Variants in XRCC5 observed in about 807,000 individuals in gnomAD.
XRCC5 encodes X-ray repair cross complementing 5.
Under a neutral mutation model 95.7 loss-of-function variants are expected in XRCC5, and 12 were observed. That is an observed-to-expected ratio of 0.13 (90% CI 0.08 to 0.20). XRCC5 has a LOEUF of 0.20. Ranked by LOEUF, XRCC5 falls within the 10% of genes least tolerant of loss-of-function variation. XRCC5 has a pLI of 1.00. For missense variants in XRCC5, 595 were observed against 873.9 expected (o/e 0.68, Z 4.02); for synonymous variants, 281 against 290.3 (o/e 0.97, Z 0.33).
intron 16 of XRCC5, among the ~76,000 whole-genome samples, chr2:216,177,456 T>C (rs1689299654): frequency 6.6e-6 from 1 of 152,196 alleles, no homozygotes; most frequent in South Asian, 2.1e-4. Context: ...GGTATTGGCA[T>C]TTTAGGAAAA....
intron 1 of XRCC5, among the ~76,000 whole-genome samples, chr2:216,109,768 C>T (rs898084628): frequency 8.6e-5 from 13 of 150,536 alleles, no homozygotes; most frequent in Admixed American, 7.3e-4. Context: ...CTCTCTCTCT[C>T]TTTATCCCAT....
rs761976522 is a variant in XRCC5 at position 216,204,388 on chromosome 2, G to A, written c.2176G>A (p.Asp726Asn). The part of the protein sequence containing the change: ...AAVFEEGGDV[D>N]DLLDMI ...TGTATTTGAAGAAGGTGGTGATGTG[G>A]ACGATTTAGTAAGTACTTTTAATAT... The change falls in exon 20 of 21, where the codon GAC becomes AAC. Residue 726 changes from aspartate (D) to asparagine (N), a missense_variant. Physicochemically the swap from Asp to Asn is conservative, Grantham distance 23. Coordinates refer to ENST00000392132, the MANE Select transcript of XRCC5 (RefSeq NM_021141.4). 6.2e-7 allele frequency: 1 copy of A among 1,613,924 alleles called. No individual in the cohort carries two copies. Among genetic ancestry groups the A allele is most frequent in the South Asian group, 1.1e-5 (1 of 91,080 alleles).
At chr2:216,156,797 C>A in intron 14 of XRCC5, 1 of 497,610 alleles carries the variant, frequency 2.0e-6, no homozygotes, top group South Asian at 1.5e-5. Context: ...CCACACAATC[C>A]TGTCCAGTAG....
At chr2:216,190,486 T>G in intron 17 of XRCC5, 152 bp downstream of exon 17, 1 of 562,542 alleles carries the variant, frequency 1.8e-6, no homozygotes. Flanking sequence ...AAAAATGACT[T>G]AAATTCATGT....
rs1696890978 is a variant in XRCC5 at position 216,125,763 on chromosome 2, C to T, written c.684-154C>T. On this transcript the variant is annotated intron_variant, in intron 6 of 20. Transcript: ENST00000392132. ...TCACTCTTGCCCTGGCTATATCTCC[C>T]AACTTGTGGTTGTTGTTTTCCGGCC... is the stretch of plus-strand genomic sequence containing the variant. Among the ~76,000 whole-genome samples, 3 of 152,210 alleles carry T rather than the reference C, an allele frequency of 2.0e-5. No homozygotes were observed. In the South Asian group the frequency reaches 6.2e-4, roughly 31 times the overall value.
chr2:216,109,970 T>G (rs1037122344), intron 1 of XRCC5, among the ~76,000 whole-genome samples: 1 of 152,228 alleles, frequency 6.6e-6, no homozygotes, highest in Non-Finnish European at 1.5e-5. Context: ...TAACGTAGTA[T>G]CCCGCATTTA....
intron 19 of XRCC5, among the ~76,000 whole-genome samples, 172 bp downstream of exon 19, chr2:216,195,158 C>T (rs1689691359): frequency 6.6e-6 from 1 of 152,132 alleles, no homozygotes; most frequent in African/African-American, 2.4e-5. Flanking sequence ...TATAATCTTA[C>T]TCAGTTTCCT....
chr2:216,162,814 G>C (rs1411105158), intron 16 of XRCC5, among the ~76,000 whole-genome samples: 1 of 152,170 alleles, frequency 6.6e-6, no homozygotes, highest in African/African-American at 2.4e-5. Flanking sequence ...CAAAATGGCT[G>C]CATGGTCACT....
intron 16 of XRCC5, among the ~76,000 whole-genome samples, chr2:216,183,344 A>T (rs866492940): frequency 5.9e-5 from 9 of 152,278 alleles, no homozygotes; most frequent in Middle Eastern, 6.8e-3. Flanking sequence ...GGCACCATTT[A>T]AAAAAGGGGG....
At chr2:216,120,332 T>C (rs940458574) in intron 5 of XRCC5, among the ~76,000 whole-genome samples, 2 of 152,252 alleles carry the variant, frequency 1.3e-5, no homozygotes, top group African/African-American at 4.8e-5. Flanking sequence ...AAAGAGCTAC[T>C]CTTTTTTTCC....
intron 6 of XRCC5, 118 bp from the exon 7 acceptor site, chr2:216,125,799 G>A (rs1172613008): frequency 2.5e-6 from 2 of 789,854 alleles, no homozygotes; most frequent in African/African-American, 3.5e-5. Flanking sequence ...ATCTCCTGCT[G>A]TTTCTCTCTT....
At chr2:216,181,794 T>C (rs574350873) in intron 16 of XRCC5, among the ~76,000 whole-genome samples, 2 of 152,320 alleles carry the variant, frequency 1.3e-5, no homozygotes, top group East Asian at 1.9e-4. Flanking sequence ...GATTTACTTC[T>C]CTGGTTCTTT....
intron 11 of XRCC5, among the ~76,000 whole-genome samples, chr2:216,137,802 C>A (rs1697110555): frequency 6.6e-6 from 1 of 152,226 alleles, no homozygotes; most frequent in Non-Finnish European, 1.5e-5. Context: ...TCCAGGTCAA[C>A]CTTCTGGTCA....
chr2:216,182,590 C>G (rs1290924815), intron 16 of XRCC5, among the ~76,000 whole-genome samples: 1 of 152,152 alleles, frequency 6.6e-6, no homozygotes, highest in Non-Finnish European at 1.5e-5. Flanking sequence ...TCTTCACCCC[C>G]CACCACAACA....
At chr2:216,172,827 T>C (rs575807346) in intron 16 of XRCC5, among the ~76,000 whole-genome samples, 4 of 152,274 alleles carry the variant, frequency 2.6e-5, no homozygotes, top group Non-Finnish European at 5.9e-5. Flanking sequence ...ATTGAGTCTA[T>C]AGAAGAGTTA....
intron 16 of XRCC5, chr2:216,175,068 G>T: frequency 3.2e-6 from 1 of 310,972 alleles, no homozygotes; most frequent in Non-Finnish European, 6.3e-6. Flanking sequence ...CACCACCATA[G>T]TTACCACTGC....
At chr2:216,157,379 G>C (rs912294758) in intron 14 of XRCC5, among the ~76,000 whole-genome samples, 2 of 151,938 alleles carry the variant, frequency 1.3e-5, no homozygotes, top group Non-Finnish European at 1.5e-5. Context: ...GACTACAGGT[G>C]CCCGCCACCA....
intron 12 of XRCC5, among the ~76,000 whole-genome samples, chr2:216,139,662 G>T (rs911118343): frequency 2.3e-4 from 35 of 152,182 alleles, no homozygotes; most frequent in African/African-American, 8.2e-4. Context: ...ACGCGCCACC[G>T]TGGCTGGCTC....
intron 14 of XRCC5, among the ~76,000 whole-genome samples, chr2:216,152,806 G>A (rs748430815): frequency 1.5e-4 from 22 of 151,692 alleles, no homozygotes; most frequent in Non-Finnish European, 2.8e-4. Flanking sequence ...AGTAACTCAC[G>A]CCGGCTAAGT....
Sources: allele counts gnomAD v4.1 joint callset (sites outside exome capture counted in the v4.1 genomes callset), GRCh38; gene constraint gnomAD v4.1.1; transcripts MANE v1.5; gene names NCBI Gene and HGNC (gene_info 2026-07-23, HGNC 2026-07-21).